ADARB2: variants seen among roughly 807,000 people sequenced by gnomAD.
ADARB2 encodes the protein adenosine deaminase RNA specific B2 (inactive).
Under a neutral mutation model 62.2 loss-of-function variants are expected in ADARB2, and 25 were observed. The observed-to-expected ratio is 0.40, with a 90% CI of 0.29 to 0.56. ADARB2 has a LOEUF of 0.56. ADARB2 is among the 20% of genes least tolerant of loss of function. ADARB2 has a pLI of 0.43. For missense variants in ADARB2, 1,071 were observed against 1,077.4 expected, an observed-to-expected ratio of 0.99 and a Z score of 0.08; for synonymous variants, 572 against 500.8, an observed-to-expected ratio of 1.14 and a Z score of -1.90.
intron 1 of ADARB2, among the ~76,000 whole-genome samples, chr10:1,702,561 C>T (rs1414078235): frequency 6.6e-6 from 1 of 152,198 alleles, no homozygotes; most frequent in African/African-American, 2.4e-5. Flanking sequence ...TGATTAAAAT[C>T]CAGATTGTCC....
chr10:1,718,483 T>G (rs1264778996), intron 1 of ADARB2, among the ~76,000 whole-genome samples: 1 of 152,132 alleles, frequency 6.6e-6, no homozygotes, highest in African/African-American at 2.4e-5. Context: ...CCCTTGCCCT[T>G]TTGTGTGTGT....
chr10:1,731,305 A>T (rs1257411441), intron 1 of ADARB2, among the ~76,000 whole-genome samples: 1 of 152,232 alleles, frequency 6.6e-6, no homozygotes, highest in Non-Finnish European at 1.5e-5. Context: ...CCCGTCCTCC[A>T]TTCCTTTTAA....
chr10:1,415,472 T>A (rs538921858), intron 1 of ADARB2, among the ~76,000 whole-genome samples: 1 of 132,118 alleles, frequency 7.6e-6, no homozygotes, highest in Non-Finnish European at 1.7e-5. Flanking sequence ...GATGGATGAA[T>A]GGATGATTGA....
chr10:1,376,098 ACG>A (rs200402346), intron 2 of ADARB2, among the ~76,000 whole-genome samples: 2 of 152,190 alleles, frequency 1.3e-5, no homozygotes, highest in African/African-American at 4.8e-5. Context: ...ACACACACAC[ACG>A]CACATCTTTT....
intron 1 of ADARB2, among the ~76,000 whole-genome samples, chr10:1,475,971 A>T (rs1192924687): frequency 6.6e-6 from 1 of 152,194 alleles, no homozygotes; most frequent in Non-Finnish European, 1.5e-5. Context: ...TGTCTTGGAG[A>T]CAGTTAAGTG....
At chr10:1,571,726 GTGT>G (rs1832936916) in intron 1 of ADARB2, among the ~76,000 whole-genome samples, 2 of 145,020 alleles carry the variant, frequency 1.4e-5, no homozygotes, top group African/African-American at 2.6e-5. Context: ...GTGCTGGTGA[GTGT>G]GCAGGTGAAT....
intron 1 of ADARB2, among the ~76,000 whole-genome samples, chr10:1,473,595 T>C (rs917780522): frequency 5.9e-5 from 9 of 152,192 alleles, no homozygotes; most frequent in African/African-American, 2.2e-4. Flanking sequence ...TTACCTAGGC[T>C]GCTCTTGAAT....
chr10:1,311,842 A>G (rs1011642611), intron 3 of ADARB2, among the ~76,000 whole-genome samples: 5 of 152,198 alleles, frequency 3.3e-5, no homozygotes, highest in African/African-American at 9.7e-5. Flanking sequence ...TCTGGAGCCA[A>G]TGGGCTGGAT....
chr10:1,715,804 A>T (rs953533013), intron 1 of ADARB2, among the ~76,000 whole-genome samples: 1 of 152,366 alleles, frequency 6.6e-6, no homozygotes, highest in Admixed American at 6.5e-5. Flanking sequence ...GCTGCCTTGC[A>T]GCACAGTTAG....
chr10:1,707,007 G>C lies in ADARB2; in HGVS notation c.100+30044C>G, dbSNP rs543232075. Among the ~76,000 whole-genome samples, 5 of 152,062 alleles carry C rather than the reference G, an allele frequency of 3.3e-5. 1 individual carries two copies. Among genetic ancestry groups the C allele is most frequent in the African/African-American group, 1.2e-4 (5 of 41,452 alleles). On this transcript the variant is annotated intron_variant, in intron 1 of 9. Coordinates refer to ENST00000381312, the MANE Select transcript of ADARB2 (RefSeq NM_018702.4). The stretch of plus-strand genomic sequence containing the variant: ...TGGCTTCATGCGTTCCTCTCTTCAG[G>C]TACCCGGTCCAGAGTGAAGAGGGAG...
chr10:1,371,432 CA>C (rs1174006672), intron 2 of ADARB2, among the ~76,000 whole-genome samples: 1 of 152,072 alleles, frequency 6.6e-6, no homozygotes, highest in Non-Finnish European at 1.5e-5. Flanking sequence ...AATCCAGAAA[CA>C]GACAAAGTGG....
intron 1 of ADARB2, among the ~76,000 whole-genome samples, chr10:1,591,681 A>ACACACACG (rs1320631665): frequency 6.7e-6 from 1 of 150,202 alleles, no homozygotes; most frequent in Non-Finnish European, 1.5e-5. Context: ...ACACACACGC[A>ACACACACG]CACACTCACC....
chr10:1,229,781 T>TGG (rs1830785297), intron 6 of ADARB2, among the ~76,000 whole-genome samples: 1 of 63,648 alleles, frequency 1.6e-5, no homozygotes, highest in African/African-American at 5.8e-5. Context: ...TGTGCTTCTG[T>TGG]GTACATGTGT....
chr10:1,342,754 C>G (rs1287276860), intron 3 of ADARB2, among the ~76,000 whole-genome samples: 1 of 152,238 alleles, frequency 6.6e-6, no homozygotes, highest in African/African-American at 2.4e-5. Context: ...AATGGGGTGA[C>G]AAGCTGATTA....
At chr10:1,633,913 G>T (rs1266450075) in intron 1 of ADARB2, among the ~76,000 whole-genome samples, 1 of 152,112 alleles carries the variant, frequency 6.6e-6, no homozygotes, top group Non-Finnish European at 1.5e-5. Flanking sequence ...ATGTGAACCC[G>T]CATGTCCAGG....
At chr10:1,461,169 C>T (rs183867360) in intron 1 of ADARB2, among the ~76,000 whole-genome samples, 47 of 152,292 alleles carry the variant, frequency 3.1e-4, no homozygotes, top group African/African-American at 9.6e-4. Flanking sequence ...CGTGACACTT[C>T]GAACCTCCAG....
intron 1 of ADARB2, among the ~76,000 whole-genome samples, chr10:1,672,174 C>T (rs971860451): frequency 3.9e-5 from 6 of 152,020 alleles, no homozygotes; most frequent in Non-Finnish European, 8.8e-5. Flanking sequence ...AGCCTGCCAT[C>T]GTTTTCCTCT....
intron 1 of ADARB2, among the ~76,000 whole-genome samples, chr10:1,382,339 T>C (rs1832490602): frequency 6.6e-6 from 1 of 152,236 alleles, no homozygotes; most frequent in African/African-American, 2.4e-5. Context: ...CTAACACTTA[T>C]TTATTGCTAA....
At chr10:1,264,678 C>T (rs1589169778) in intron 4 of ADARB2, among the ~76,000 whole-genome samples, 1 of 152,334 alleles carries the variant, frequency 6.6e-6, no homozygotes, top group African/African-American at 2.4e-5. Context: ...AAAACTTATG[C>T]TCCATCGTGG....
Sources: gnomAD v4.1 joint callset for allele counts (sites outside exome capture counted in the v4.1 genomes callset) on GRCh38, gnomAD v4.1.1 for gene constraint, MANE v1.5 for transcripts, NCBI Gene and HGNC (gene_info 2026-07-23, HGNC 2026-07-21) for gene names.